MRPS9: variants seen among roughly 807,000 people sequenced by gnomAD.
The protein encoded by MRPS9 is small ribosomal subunit protein uS9m.
A neutral mutation model predicts 59.9 loss-of-function variants in MRPS9; 45 were observed. The observed-to-expected ratio is 0.75, with a 90% CI of 0.59 to 0.96. The LOEUF (loss-of-function observed/expected upper bound fraction) is 0.96. MRPS9 is among the 40% of genes least tolerant of loss of function. The pLI is 0.00. For missense variants in MRPS9, 473 were observed against 481.1 expected, an observed-to-expected ratio of 0.98 and a Z score of 0.16; for synonymous variants, 171 against 166.8, an observed-to-expected ratio of 1.03 and a Z score of -0.19.
intron 2 of MRPS9, among the ~76,000 whole-genome samples, chr2:105,050,702 A>G (rs1679696066): frequency 6.6e-6 from 1 of 152,224 alleles, no homozygotes; most frequent in Non-Finnish European, 1.5e-5. Context: ...ATTATTGACC[A>G]TTATTGCTTT....
At chr2:105,064,287 C>T (rs1156937037) in intron 2 of MRPS9, among the ~76,000 whole-genome samples, 1 of 152,070 alleles carries the variant, frequency 6.6e-6, no homozygotes, top group Non-Finnish European at 1.5e-5. Flanking sequence ...GAAAGTAGGT[C>T]ACAGGGTTTG....
intron 6 of MRPS9, among the ~76,000 whole-genome samples, chr2:105,089,299 A>G (rs1558762586): frequency 6.6e-6 from 1 of 152,206 alleles, no homozygotes; most frequent in East Asian, 1.9e-4. Context: ...ATATTTAATT[A>G]CTATACCTGG....
At chr2:105,049,836 G>A (rs189994884) in intron 2 of MRPS9, among the ~76,000 whole-genome samples, 106 of 152,222 alleles carry the variant, frequency 7.0e-4, no homozygotes, top group Admixed American at 6.6e-3. Flanking sequence ...AGTAATTGTC[G>A]ATAATATTTT....
At chr2:105,056,407 C>A (rs1679792139) in intron 2 of MRPS9, among the ~76,000 whole-genome samples, 1 of 151,900 alleles carries the variant, frequency 6.6e-6, no homozygotes, top group African/African-American at 2.4e-5. Context: ...CACAACTGTC[C>A]CTGTGGTGAA....
chr2:105,062,565 A>G (rs1679926985), intron 2 of MRPS9, among the ~76,000 whole-genome samples: 5 of 152,194 alleles, frequency 3.3e-5, no homozygotes, highest in African/African-American at 1.2e-4. Context: ...GTAACAATAG[A>G]TATGTGTTTG....
intron 7 of MRPS9, chr2:105,092,150 C>A: frequency 5.2e-6 from 2 of 385,166 alleles, no homozygotes; most frequent in South Asian, 1.1e-4. Flanking sequence ...AAACATAATA[C>A]AGAGAAATTG....
intron 1 of MRPS9, among the ~76,000 whole-genome samples, chr2:105,042,822 TGTAAA>T (rs1312486796): frequency 3.9e-5 from 6 of 152,228 alleles, no homozygotes; most frequent in Admixed American, 6.5e-5. Flanking sequence ...TAAATGAACT[TGTAAA>T]GTAGTTTATT....
Position 105,099,698 on chromosome 2 carries a change from G to A in MRPS9, c.1128G>A (p.Val376=). The A allele has an allele frequency of 6.2e-6, 10 of 1,614,138 alleles. No homozygotes were observed. Among genetic ancestry groups the A allele is most frequent in the Non-Finnish European group, 7.6e-6 (9 of 1,180,038 alleles). The part of the protein sequence containing the change: ...QAGLLTTDPR[V]RERKKPGQEG... ...GACTACTTACTACTGATCCACGTGT[G>A]AGGGAACGGAAGAAGCCAGGCCAAG... The change falls in exon 11 of 11, where the codon GTG becomes GTA. Residue 376 remains valine (V), a synonymous_variant. Transcript: ENST00000258455.
chr2:105,097,125 G>C, intron 9 of MRPS9, 30 bp from the exon 10 acceptor site: 1 of 1,440,588 alleles, frequency 6.9e-7, no homozygotes, highest in Admixed American at 2.6e-5. Flanking sequence ...TATAGTAAAC[G>C]TAACCACATT....
intron 2 of MRPS9, among the ~76,000 whole-genome samples, chr2:105,067,540 A>T (rs1208725941): frequency 2.0e-5 from 3 of 152,142 alleles, no homozygotes; most frequent in Non-Finnish European, 4.4e-5. Flanking sequence ...ATAGGGTAAT[A>T]TTCTGAGTTC....
At position 105,097,190 on chromosome 2, in the gene MRPS9, G is replaced by A. The variant is rs771129322; in HGVS notation, c.965G>A (p.Arg322Gln). ...QLMFPFHFVDRLGKHDVTCTV... is the reference protein window; with the variant it reads ...QLMFPFHFVDQLGKHDVTCTV... ...ATGTTCCCTTTCCACTTTGTTGACC[G>A]GCTGGGAAAGCACGACGTGACCTGC... The change falls in exon 10 of 11, where the codon CGG becomes CAG. Residue 322 changes from arginine (R) to glutamine (Q), a missense_variant. Coordinates refer to ENST00000258455, the MANE Select transcript of MRPS9 (RefSeq NM_182640.3). The A allele has an allele frequency of 6.3e-6, 10 of 1,599,124 alleles. No homozygotes were observed. Among genetic ancestry groups the A allele is most frequent in the South Asian group, 3.4e-5 (3 of 88,640 alleles).
chr2:105,042,281 A>G (rs1224652389), intron 1 of MRPS9, among the ~76,000 whole-genome samples: 2 of 152,228 alleles, frequency 1.3e-5, no homozygotes, highest in Non-Finnish European at 2.9e-5. Flanking sequence ...TGTTGTAGTT[A>G]GCAGGATTTA....
chr2:105,062,507 G>T (rs150097599), intron 2 of MRPS9, among the ~76,000 whole-genome samples: 1 of 152,168 alleles, frequency 6.6e-6, no homozygotes, highest in Non-Finnish European at 1.5e-5. Context: ...CAGCTTTGTC[G>T]TAGAAATCCT....
Position 105,063,215 on chromosome 2 carries a change from G to A in MRPS9, c.316-8098G>A, listed in dbSNP as rs545309864. On this transcript the variant is annotated intron_variant, in intron 2 of 10. Coordinates refer to ENST00000258455, the MANE Select transcript of MRPS9 (RefSeq NM_182640.3). ...AGCCCAGGAGTCAAGGCTGTAGTGC[G>A]CCATGATCACATCTGTGAATAGCCA... is the stretch of plus-strand genomic sequence containing the variant. 3.3e-3 allele frequency among the ~76,000 whole-genome samples: 505 copies of A among 152,284 alleles called. 3 individuals carry two copies. Among genetic ancestry groups the A allele is most frequent in the African/African-American group, 0.011 (474 of 41,556 alleles).
In MRPS9 at chr2:105,099,788, A is replaced by G. The variant is rs558026729; in HGVS notation, c.*27A>G. 1 of 1,607,620 alleles carries G rather than the reference A, an allele frequency of 6.2e-7. No homozygotes were observed. Among genetic ancestry groups the G allele is most frequent in the African/African-American group, 1.3e-5 (1 of 74,938 alleles). On this transcript the variant is annotated 3_prime_UTR_variant, in exon 11 of 11. Transcript: ENST00000258455. ...GGTTTGCTCCCAGGAAAGGAGAGGA[A>G]GAGCTATATATATGTGCCGACATGT...
intron 1 of MRPS9, among the ~76,000 whole-genome samples, chr2:105,045,505 A>G (rs1308589655): frequency 1.3e-5 from 2 of 148,156 alleles, no homozygotes; most frequent in Admixed American, 1.5e-4. Context: ...AACAAAACCT[A>G]AAAAAAATAG....
rs768514046 is a variant in MRPS9 at position 105,046,424 on chromosome 2, A to G, written c.136-2747A>G. Reference sequence around the variant, plus strand: ...TTTTGTCCTAACGCTAATGCTTGCCATTTTTTCTCCTTCTCTTTTAAGTGT... The same window carrying G: ...TTTTGTCCTAACGCTAATGCTTGCCGTTTTTTCTCCTTCTCTTTTAAGTGT... On this transcript the variant is annotated intron_variant, in intron 1 of 10. Transcript: ENST00000258455. 5.3e-5 allele frequency among the ~76,000 whole-genome samples: 8 copies of G among 151,828 alleles called. No homozygotes were observed. In the South Asian group the frequency reaches 1.0e-3, roughly 20 times the overall value.
intron 2 of MRPS9, among the ~76,000 whole-genome samples, chr2:105,068,792 C>T (rs1044246888): frequency 2.0e-5 from 3 of 152,198 alleles, no homozygotes; most frequent in African/African-American, 7.2e-5. Flanking sequence ...GTCTGTTTTA[C>T]AGCTCTATAG....
Position 105,038,161 on chromosome 2 carries a change from C to T in MRPS9, c.69C>T (p.Ser23=). ...GGCTTCTTCTCTGGGGTAGGGGTAGCCTCGCCCGGAAGCAAGGCCTCTGGA... is the reference window on the plus strand; with the variant it reads ...GGCTTCTTCTCTGGGGTAGGGGTAGTCTCGCCCGGAAGCAAGGCCTCTGGA... ...SYRLLLWGRG[S]LARKQGLWKT... Residue 23 remains serine (S), a synonymous_variant, in exon 1 of 11, where the codon AGC becomes AGT. Coordinates refer to ENST00000258455, the MANE Select transcript of MRPS9 (RefSeq NM_182640.3). The T allele has an allele frequency of 6.2e-7, 1 of 1,613,662 alleles. No individual in the cohort carries two copies. The highest frequency in any genetic ancestry group is 8.5e-7 in the Non-Finnish European group (1 of 1,179,866).
Sources: allele counts gnomAD v4.1 joint callset (sites outside exome capture counted in the v4.1 genomes callset), GRCh38; gene constraint gnomAD v4.1.1; transcripts MANE v1.5; gene names NCBI Gene and HGNC (gene_info 2026-07-23, HGNC 2026-07-21).